BMERB1: variants seen among roughly 807,000 people sequenced by gnomAD.
The protein encoded by BMERB1 is bMERB domain containing 1.
BMERB1 carries 12 observed loss-of-function variants against 23.6 expected under a neutral mutation model. The ratio of observed to expected loss-of-function variants is 0.51; its 90% CI spans 0.33 to 0.82. BMERB1 has a LOEUF of 0.82. BMERB1 is among the 40% of genes least tolerant of loss of function. The pLI is 0.03. For missense variants in BMERB1, 247 were observed against 255.4 expected, an observed-to-expected ratio of 0.97 and a Z score of 0.22; for synonymous variants, 122 against 96.6, an observed-to-expected ratio of 1.26 and a Z score of -1.54.
intron 1 of BMERB1, 132 bp downstream of exon 1, chr16:15,434,891 CAG>C: frequency 2.8e-6 from 2 of 722,526 alleles, no homozygotes; most frequent in Non-Finnish European, 4.5e-6. Context: ...GCTGGCAGCT[CAG>C]GGGGATACGC....
chr16:15,565,506 G>A (rs965324517), intron 2 of BMERB1, among the ~76,000 whole-genome samples: 3 of 152,184 alleles, frequency 2.0e-5, no homozygotes, highest in Non-Finnish European at 2.9e-5. Context: ...CTTCTTTGCT[G>A]TTGCAAGCCT....
intron 1 of BMERB1, among the ~76,000 whole-genome samples, chr16:15,487,820 T>C (rs1451817706): frequency 6.6e-6 from 1 of 152,236 alleles, no homozygotes; most frequent in African/African-American, 2.4e-5. Flanking sequence ...ATGGCATTTG[T>C]AAACAGTCCT....
chr16:15,523,043 G>C, intron 2 of BMERB1, among the ~76,000 whole-genome samples: 1 of 152,162 alleles, frequency 6.6e-6, no homozygotes, highest in Non-Finnish European at 1.5e-5. Flanking sequence ...ATTGAGTGGA[G>C]GTAGCTCTCA....
chr16:15,497,408 GC>G (rs1414256432), intron 1 of BMERB1, among the ~76,000 whole-genome samples: 1 of 152,134 alleles, frequency 6.6e-6, no homozygotes, highest in Non-Finnish European at 1.5e-5. Flanking sequence ...TATTTGAGAG[GC>G]AAGGAATTCC....
At chr16:15,576,006 C>T (rs1244268693) in intron 3 of BMERB1, among the ~76,000 whole-genome samples, 1 of 151,522 alleles carries the variant, frequency 6.6e-6, no homozygotes, top group Non-Finnish European at 1.5e-5. Context: ...CCATATTCTC[C>T]TGCCTCACCT....
intron 1 of BMERB1, among the ~76,000 whole-genome samples, chr16:15,472,279 G>A (rs1188133381): frequency 6.6e-6 from 1 of 152,204 alleles, no homozygotes; most frequent in Non-Finnish European, 1.5e-5. Flanking sequence ...TAAGTTGAAT[G>A]TTATGCAGTT....
At chr16:15,512,038 A>AAAAAAAAAAG (rs1555509799) in intron 1 of BMERB1, among the ~76,000 whole-genome samples, 1 of 148,298 alleles carries the variant, frequency 6.7e-6, no homozygotes, top group African/African-American at 2.5e-5. Flanking sequence ...AAAAAAAAAA[A>AAAAAAAAAAG]GGGGGAATTG....
chr16:15,521,003 T>A, intron 2 of BMERB1, among the ~76,000 whole-genome samples: 1 of 152,050 alleles, frequency 6.6e-6, no homozygotes, highest in African/African-American at 2.4e-5. Context: ...CGAGTTCCTG[T>A]TTTCTTCATG....
At chr16:15,583,379 A>T (rs1411355532) in intron 5 of BMERB1, 141 bp downstream of exon 5, 1 of 686,968 alleles carries the variant, frequency 1.5e-6, no homozygotes, top group East Asian at 2.5e-5. Context: ...GGAGTTCGAG[A>T]CCAGCCTGGT....
intron 2 of BMERB1, among the ~76,000 whole-genome samples, chr16:15,529,507 G>A (rs1198531463): frequency 6.6e-6 from 1 of 152,118 alleles, no homozygotes; most frequent in South Asian, 2.1e-4. Context: ...TTCCTTAGAA[G>A]CCTTTTGTAA....
intron 1 of BMERB1, among the ~76,000 whole-genome samples, chr16:15,474,745 A>G (rs918454817): frequency 2.6e-5 from 4 of 151,162 alleles, no homozygotes; most frequent in Admixed American, 6.6e-5. Flanking sequence ...CTGGAGTGCA[A>G]TGGTATGATC....
chr16:15,563,159 A>G (rs1312251962), intron 2 of BMERB1, among the ~76,000 whole-genome samples: 1 of 152,098 alleles, frequency 6.6e-6, no homozygotes, highest in Non-Finnish European at 1.5e-5. Context: ...AAGTGGGTGG[A>G]TTGCTTGAGC....
chr16:15,515,846 A>G (rs113414134), intron 2 of BMERB1, among the ~76,000 whole-genome samples: 2,762 of 152,172 alleles, frequency 0.018, 89 homozygotes, highest in African/African-American at 0.064. Context: ...TAAAATGGGG[A>G]AAAATAACAA....
chr16:15,453,206 C>T (rs1478044937), intron 1 of BMERB1, among the ~76,000 whole-genome samples: 15 of 151,962 alleles, frequency 9.9e-5, no homozygotes, highest in Admixed American at 2.0e-4. Flanking sequence ...ACCAAAACAC[C>T]GTTGCTTTTA....
At chr16:15,449,601 A>G (rs2051023402) in intron 1 of BMERB1, among the ~76,000 whole-genome samples, 1 of 151,874 alleles carries the variant, frequency 6.6e-6, no homozygotes, top group African/African-American at 2.4e-5. Flanking sequence ...GCTGGAGTGC[A>G]ATGGTGTGAT....
chr16:15,563,160 T>C (rs1037872893), intron 2 of BMERB1, among the ~76,000 whole-genome samples: 4 of 152,162 alleles, frequency 2.6e-5, no homozygotes, highest in Non-Finnish European at 5.9e-5. Context: ...AGTGGGTGGA[T>C]TGCTTGAGCC....
intron 2 of BMERB1, among the ~76,000 whole-genome samples, chr16:15,517,945 GTGTGTGTGTGGA>G (rs993437566): frequency 6.7e-6 from 1 of 150,294 alleles, no homozygotes; most frequent in Admixed American, 6.7e-5. Flanking sequence ...GCATGTGTGG[GTGTGTGTGTGGA>G]TGTGGGTGTG....
chr16:15,495,439 C>G (rs1481234373), intron 1 of BMERB1, among the ~76,000 whole-genome samples: 5 of 151,932 alleles, frequency 3.3e-5, no homozygotes, highest in African/African-American at 1.2e-4. Context: ...GATCTTGGCT[C>G]ACTACAAGCT....
intron 1 of BMERB1, among the ~76,000 whole-genome samples, chr16:15,513,310 A>G (rs1236185879): frequency 2.0e-5 from 3 of 152,150 alleles, no homozygotes; most frequent in African/African-American, 7.2e-5. Context: ...AACAACCTAC[A>G]TGTCTGTGGA....
Sources: allele counts gnomAD v4.1 joint callset (sites outside exome capture counted in the v4.1 genomes callset), GRCh38; gene constraint gnomAD v4.1.1; transcripts MANE v1.5; gene names NCBI Gene and HGNC (gene_info 2026-07-23, HGNC 2026-07-21).